CDC42: variants seen among roughly 807,000 people sequenced by gnomAD.
The protein encoded by CDC42 is cell division control protein 42 homolog.
Under a neutral mutation model 20.8 loss-of-function variants are expected in CDC42, and 1 was observed. The ratio of observed to expected loss-of-function variants is 0.05; its 90% CI spans 0.02 to 0.23. The LOEUF is 0.23. CDC42 is among the 10% of genes least tolerant of loss of function. The probability of loss-of-function intolerance (pLI) is 1.00; values close to 1 mark genes in which losing one functional copy is unlikely to be tolerated. For missense variants in CDC42, 49 were observed against 227.9 expected, an observed-to-expected ratio of 0.21 and a Z score of 5.05; for synonymous variants, 72 against 84.8, an observed-to-expected ratio of 0.85 and a Z score of 0.83.
At chr1:22,091,070 A>G (rs1301460513) in intron 5 of CDC42, among the ~76,000 whole-genome samples, 1 of 152,218 alleles carries the variant, frequency 6.6e-6, no homozygotes, top group East Asian at 1.9e-4. Context: ...TTGAATGCAG[A>G]GCTGCTTCCC....
intron 1 of CDC42, among the ~76,000 whole-genome samples, chr1:22,058,349 C>G (rs1645326079): frequency 6.6e-6 from 1 of 152,098 alleles, no homozygotes; most frequent in Non-Finnish European, 1.5e-5. Flanking sequence ...GGCAGTGTAC[C>G]ACAATTTATT....
At chr1:22,070,626 G>A (rs919176130) in intron 1 of CDC42, among the ~76,000 whole-genome samples, 2 of 151,894 alleles carry the variant, frequency 1.3e-5, no homozygotes, top group Non-Finnish European at 2.9e-5. Context: ...ACCACGCCCA[G>A]CTGATTTTTT....
intron 1 of CDC42, among the ~76,000 whole-genome samples, chr1:22,055,867 G>GA (rs1553193145): frequency 3.2e-5 from 4 of 126,692 alleles, no homozygotes; most frequent in Non-Finnish European, 4.8e-5. Flanking sequence ...TTGTTTTAGA[G>GA]TTTTTTTTTT....
rs747473674 is a variant in CDC42 at position 22,086,878 on chromosome 1, A to G, written c.486+12A>G. The G allele has an allele frequency of 1.2e-6, 2 of 1,603,618 alleles. No homozygotes were observed. Among genetic ancestry groups the G allele is most frequent in the Non-Finnish European group, 1.7e-6 (2 of 1,170,684 alleles). On this transcript the variant is annotated intron_variant, in intron 5 of 5. Transcript: ENST00000656825. ...CTGCACTTACACAGGTAAGAATGGC[A>G]TGAAACCCCATGTGTATTTATGGTC...
At chr1:22,053,583 T>G (rs1207699841) in intron 1 of CDC42, 1 of 152,202 alleles carries the variant, frequency 6.6e-6, no homozygotes, top group Non-Finnish European at 1.5e-5. Flanking sequence ...ATTTTCTTTG[T>G]TCGTTTGTTT....
At chr1:22,091,394 A>C in intron 5 of CDC42, 34 bp from the exon 6 acceptor site, 2 of 1,355,346 alleles carry the variant, frequency 1.5e-6, no homozygotes, top group Non-Finnish European at 2.1e-6. Context: ...ACTGAAAATC[A>C]GACCGCCCAT....
intron 5 of CDC42, chr1:22,090,931 C>T (rs908723136): frequency 1.0e-5 from 3 of 298,320 alleles, no homozygotes; most frequent in African/African-American, 6.8e-5. Context: ...AAAGGGAGTT[C>T]AAAGTGACTA....
chr1:22,099,353 T>C lies in CDC42; in HGVS notation c.*7836T>C, dbSNP rs1008990602. On this transcript the variant is annotated 3_prime_UTR_variant, in exon 6 of 6. Transcript: ENST00000656825. ...GCACTGTGTTAAGCACATGGTGTTA[T>C]CACACTTGCTACTCACAACAGCTCT... Among the ~76,000 whole-genome samples the C allele has an allele frequency of 7.2e-5, 11 of 152,248 alleles. No individual in the cohort carries two copies. Among genetic ancestry groups the C allele is most frequent in the Non-Finnish European group, 1.2e-4 (8 of 68,040 alleles).
chr1:22,087,371 A>AT (rs1164589399), intron 5 of CDC42, among the ~76,000 whole-genome samples: 1 of 152,196 alleles, frequency 6.6e-6, no homozygotes, highest in Non-Finnish European at 1.5e-5. Flanking sequence ...AGCGTGCTTT[A>AT]TATAGTGTCC....
rs1645724871 is a variant in CDC42, at chr1:22,092,128, C to T, written c.*611C>T. On this transcript the variant is annotated 3_prime_UTR_variant, in exon 6 of 6. Coordinates refer to ENST00000656825, the MANE Select transcript of CDC42 (RefSeq NM_001791.4). ...TTAGGAAGGAGTATAGTAAATGCCT[C>T]ATTTAATAACATACTCCTTTTTGAA... 6.6e-6 allele frequency: 1 copy of T among 152,448 alleles called. No homozygotes were observed. Among genetic ancestry groups the T allele is most frequent in the Non-Finnish European group, 1.5e-5 (1 of 68,004 alleles). The allele number at this position is 152,448 out of a possible 1,614,324, so 9.4% of individuals were successfully genotyped here.
chr1:22,093,947 C>A lies in CDC42; in HGVS notation c.*2430C>A, dbSNP rs16826571. ...AAAGCAGGTCATACAGTTGTGTCAA[C>A]GAATTATCCGTGTATCAGAAGAACA... On this transcript the variant is annotated 3_prime_UTR_variant, in exon 6 of 6. Transcript: ENST00000656825. Among the ~76,000 whole-genome samples the A allele has an allele frequency of 0.057, 8,672 of 152,154 alleles. 344 individuals are homozygous for A. Among genetic ancestry groups the A allele is most frequent in the Middle Eastern group, 0.13 (39 of 294 alleles).
rs1374618193 is a variant in CDC42, at chr1:22,094,360, C to T, written c.*2843C>T. Among the ~76,000 whole-genome samples, 5 of 103,104 alleles carry T rather than the reference C, an allele frequency of 4.8e-5. No homozygotes were observed. Among genetic ancestry groups the T allele is most frequent in the African/African-American group, 1.7e-4 (4 of 24,210 alleles). The allele number at this position is 103,104 out of a possible 152,430, so 67.6% of individuals were successfully genotyped here. On this transcript the variant is annotated 3_prime_UTR_variant, in exon 6 of 6. Transcript: ENST00000656825. The stretch of plus-strand genomic sequence containing the variant: ...TCGCCCAGGCTGGAGTGCAGTGGCG[C>T]GATCTCGGCTCACTGCAAGCTCCGC...
At chr1:22,061,502 C>T (rs1179123916) in intron 1 of CDC42, among the ~76,000 whole-genome samples, 2 of 143,476 alleles carry the variant, frequency 1.4e-5, no homozygotes, top group Non-Finnish European at 3.0e-5. Context: ...GGAAGTTAGA[C>T]GGTCAATCAG....
At chr1:22,062,123 A>G (rs1157431858) in intron 1 of CDC42, among the ~76,000 whole-genome samples, 1 of 149,328 alleles carries the variant, frequency 6.7e-6, no homozygotes, top group African/African-American at 2.5e-5. Flanking sequence ...TTTAGTAGAC[A>G]CGGGGTTTCA....
intron 1 of CDC42, among the ~76,000 whole-genome samples, chr1:22,069,121 GTC>G (rs1447643246): frequency 1.3e-5 from 2 of 148,924 alleles, no homozygotes; most frequent in African/African-American, 2.5e-5. Flanking sequence ...AGATCTACAA[GTC>G]TTGAGTATTT....
Position 22,079,146 on chromosome 1 carries a change from T to C in CDC42, c.105+563T>C, listed in dbSNP as rs201324016. Among the ~76,000 whole-genome samples, 6 of 107,900 alleles carry C rather than the reference T, an allele frequency of 5.6e-5. No individual in the cohort carries two copies. In the East Asian group the frequency reaches 1.1e-3, roughly 19 times the overall value. The allele number at this position is 107,900 out of a possible 152,430, so 70.8% of individuals were successfully genotyped here. A position where few individuals can be genotyped will look rare whatever the true frequency, so the allele number is the denominator to read the frequency against. On this transcript the variant is annotated intron_variant, in intron 2 of 5. Transcript: ENST00000656825. ...CTGTTCTTTTCTTTTTTTCTTTTTT[T>C]TTTTTTTTTTGAGATGGAGTCTCTA...
intron 5 of CDC42, chr1:22,090,760 G>A: frequency 1.0e-6 from 1 of 984,716 alleles, no homozygotes; most frequent in Non-Finnish European, 1.2e-6. Flanking sequence ...ATACAATTGT[G>A]GTTACCTTCA....
intron 5 of CDC42, among the ~76,000 whole-genome samples, chr1:22,088,822 T>C (rs1238512294): frequency 6.6e-6 from 1 of 152,252 alleles, no homozygotes; most frequent in Non-Finnish European, 1.5e-5. Flanking sequence ...GCAGAAAGAA[T>C]TGCAGTGGAA....
intron 1 of CDC42, among the ~76,000 whole-genome samples, chr1:22,055,079 G>C (rs1000203554): frequency 4.7e-5 from 7 of 149,030 alleles, no homozygotes; most frequent in African/African-American, 1.5e-4. Context: ...TCAGCCTCCC[G>C]AACAGCTGGG....
Sources: gnomAD v4.1 joint callset for allele counts (sites outside exome capture counted in the v4.1 genomes callset) on GRCh38, gnomAD v4.1.1 for gene constraint, MANE v1.5 for transcripts, NCBI Gene and HGNC (gene_info 2026-07-23, HGNC 2026-07-21) for gene names.